The following DNM3 variants were observed in gnomAD, a reference collection of about 807,000 sequenced individuals.
DNM3 encodes dynamin-3.
A neutral mutation model predicts 101.6 loss-of-function variants in DNM3; 47 were observed. The observed-to-expected ratio is 0.46, with a 90% CI of 0.37 to 0.59. The LOEUF is 0.59. DNM3 is among the 20% of genes least tolerant of loss of function. The pLI is 0.00. For missense variants in DNM3, 849 were observed against 1,085.7 expected, an observed-to-expected ratio of 0.78 and a Z score of 3.06; for synonymous variants, 385 against 387.9, an observed-to-expected ratio of 0.99 and a Z score of 0.09.
intron 17 of DNM3, among the ~76,000 whole-genome samples, chr1:172,348,573 A>G (rs2067053182): frequency 6.6e-6 from 1 of 152,206 alleles, no homozygotes; most frequent in Admixed American, 6.5e-5. Flanking sequence ...TCACACATTT[A>G]TGTACAGAGT....
intron 14 of DNM3, among the ~76,000 whole-genome samples, chr1:172,145,324 G>GTCTCTC (rs535746382): frequency 1.1e-4 from 16 of 140,872 alleles, no homozygotes; most frequent in African/African-American, 1.7e-4. Context: ...CTGTCTGTCT[G>GTCTCTC]TCTCTCTCTC....
At chr1:171,861,593 A>G (rs1405876727) in intron 1 of DNM3, among the ~76,000 whole-genome samples, 1 of 152,154 alleles carries the variant, frequency 6.6e-6, no homozygotes, top group Non-Finnish European at 1.5e-5. Flanking sequence ...TTAACTCAAA[A>G]TGGATCAAAG....
At chr1:171,846,893 T>C (rs1447613716) in intron 1 of DNM3, among the ~76,000 whole-genome samples, 1 of 152,236 alleles carries the variant, frequency 6.6e-6, no homozygotes, top group African/African-American at 2.4e-5. Context: ...TGGATTCTGC[T>C]AGATACTTTT....
At chr1:172,027,617 C>CACACACACACACACACAGAG (rs34981346) in intron 4 of DNM3, among the ~76,000 whole-genome samples, 40 of 147,122 alleles carry the variant, frequency 2.7e-4, no homozygotes, top group African/African-American at 9.3e-4. Flanking sequence ...CACACACACA[C>CACACACACACACACACAGAG]AGAGAGAGAG....
At chr1:172,204,964 A>C (rs1164744727) in intron 14 of DNM3, among the ~76,000 whole-genome samples, 1 of 152,190 alleles carries the variant, frequency 6.6e-6, no homozygotes, top group African/African-American at 2.4e-5. Flanking sequence ...GTGAATTCAA[A>C]TTAGTGAATT....
chr1:172,065,224 T>A (rs1364964477), intron 10 of DNM3, among the ~76,000 whole-genome samples: 1 of 152,246 alleles, frequency 6.6e-6, no homozygotes, highest in Non-Finnish European at 1.5e-5. Flanking sequence ...TTGATGGTTT[T>A]AAAAATAACT....
intron 2 of DNM3, among the ~76,000 whole-genome samples, chr1:171,985,113 A>G (rs1246258131): frequency 2.0e-5 from 3 of 152,202 alleles, no homozygotes; most frequent in Non-Finnish European, 2.9e-5. Flanking sequence ...GAATGTATCG[A>G]TTAGCAGTGA....
At chr1:172,082,429 C>T (rs764205781) in intron 12 of DNM3, among the ~76,000 whole-genome samples, 3 of 151,056 alleles carry the variant, frequency 2.0e-5, no homozygotes, top group Non-Finnish European at 2.9e-5. Flanking sequence ...TTTTCATATA[C>T]GTTATCATGC....
At chr1:172,349,043 A>G (rs1476358845) in intron 17 of DNM3, among the ~76,000 whole-genome samples, 1 of 152,124 alleles carries the variant, frequency 6.6e-6, no homozygotes, top group African/African-American at 2.4e-5. Context: ...TTCTGAGACC[A>G]CCACCCCCAG....
chr1:171,979,330 T>C (rs2125581895), intron 2 of DNM3, among the ~76,000 whole-genome samples: 1 of 152,308 alleles, frequency 6.6e-6, no homozygotes, highest in African/African-American at 2.4e-5. Flanking sequence ...TGTGGGTACA[T>C]AGTAGGTAGA....
chr1:171,898,391 A>G (rs1241192085), intron 1 of DNM3, among the ~76,000 whole-genome samples: 1 of 152,186 alleles, frequency 6.6e-6, no homozygotes, highest in Non-Finnish European at 1.5e-5. Flanking sequence ...AACAAGACTG[A>G]TACAATAAAA....
At chr1:172,210,282 A>G (rs566194668) in intron 14 of DNM3, among the ~76,000 whole-genome samples, 1 of 151,444 alleles carries the variant, frequency 6.6e-6, no homozygotes, top group South Asian at 2.1e-4. Context: ...AATGACATCA[A>G]ATATATAGGT....
chr1:172,304,829 A>G (rs2064701642), intron 15 of DNM3, among the ~76,000 whole-genome samples: 1 of 152,226 alleles, frequency 6.6e-6, no homozygotes, highest in Admixed American at 6.5e-5. Flanking sequence ...GTTCTTTGAA[A>G]CCAATGAGAA....
At chr1:172,398,282 CA>C (rs1217660023) in intron 20 of DNM3, among the ~76,000 whole-genome samples, 10 of 152,340 alleles carry the variant, frequency 6.6e-5, no homozygotes, top group African/African-American at 2.4e-4. Flanking sequence ...CCCAATTATA[CA>C]GAACAGTCTT....
At chr1:171,892,875 G>A (rs1571456003) in intron 1 of DNM3, among the ~76,000 whole-genome samples, 2 of 152,196 alleles carry the variant, frequency 1.3e-5, no homozygotes, top group African/African-American at 2.4e-5. Flanking sequence ...ACACTGTTAT[G>A]AGAATCTATT....
At chr1:172,367,411 A>G (rs186145269) in intron 17 of DNM3, among the ~76,000 whole-genome samples, 21 of 152,024 alleles carry the variant, frequency 1.4e-4, no homozygotes, top group African/African-American at 5.1e-4. Flanking sequence ...AAAACATGCA[A>G]AAGTGTGAAA....
chr1:172,004,909 G>A (rs565235037), intron 4 of DNM3, among the ~76,000 whole-genome samples: 2 of 152,212 alleles, frequency 1.3e-5, no homozygotes, highest in South Asian at 4.1e-4. Flanking sequence ...GCAGCAAGAG[G>A]AGGAAGCAGG....
At chr1:172,128,228 T>C (rs1481310361) in intron 13 of DNM3, among the ~76,000 whole-genome samples, 1 of 152,206 alleles carries the variant, frequency 6.6e-6, no homozygotes, top group Non-Finnish European at 1.5e-5. Flanking sequence ...CTTGCAAGTC[T>C]ATACCTCCAT....
At chr1:171,877,843 C>A (rs1333669109) in intron 1 of DNM3, among the ~76,000 whole-genome samples, 1 of 152,196 alleles carries the variant, frequency 6.6e-6, no homozygotes, top group East Asian at 1.9e-4. Flanking sequence ...ATGTGAATTG[C>A]CTCATTCATA....
Sources: gnomAD v4.1 joint callset for allele counts (sites outside exome capture counted in the v4.1 genomes callset) on GRCh38, gnomAD v4.1.1 for gene constraint, MANE v1.5 for transcripts, NCBI Gene and HGNC (gene_info 2026-07-23, HGNC 2026-07-21) for gene names.